Variants in EXTL2 observed in about 807,000 individuals in gnomAD.
EXTL2 encodes exostosin-like 2.
EXTL2 carries 23 observed loss-of-function variants against 30.7 expected under a neutral mutation model. That is an observed-to-expected ratio of 0.75 (90% confidence interval 0.54 to 1.06). EXTL2 has a LOEUF of 1.06. Ranked by LOEUF, EXTL2 falls within the 50% of genes least tolerant of loss-of-function variation. EXTL2 has a pLI of 0.00. For synonymous variants in EXTL2, 123 were observed against 133.8 expected (o/e 0.92, Z 0.56); for missense variants, 352 against 396.3 (o/e 0.89, Z 0.95).
At chr1:100,887,034 G>T (rs1055240670) in intron 2 of EXTL2, among the ~76,000 whole-genome samples, 3 of 152,152 alleles carry the variant, frequency 2.0e-5, no homozygotes, top group Non-Finnish European at 2.9e-5. Flanking sequence ...AGCATTTTTA[G>T]CTCAGTACAG....
At chr1:100,874,803 G>T (rs1325487457) in intron 4 of EXTL2, among the ~76,000 whole-genome samples, 1 of 152,036 alleles carries the variant, frequency 6.6e-6, no homozygotes, top group Non-Finnish European at 1.5e-5. Flanking sequence ...GAGATAATGG[G>T]ATCGTTTTGA....
In EXTL2 at chr1:100,888,823, T is replaced by A. The variant is rs1650182847; in HGVS notation, c.-66A>T. 1 of 1,293,606 alleles carries A rather than the reference T, an allele frequency of 7.7e-7. No individual in the cohort carries two copies. Among genetic ancestry groups the A allele is most frequent in the East Asian group, 2.4e-5 (1 of 42,516 alleles). The allele number at this position is 1,293,606 out of a possible 1,614,324, so 80.1% of individuals were successfully genotyped here. On this transcript the variant is annotated 5_prime_UTR_variant, in exon 2 of 5. In the 5' UTR this introduces an upstream ATG that the reference lacks. Transcript: ENST00000370114. ...CAGTAATTGACAGAAGCAGGCTCAC[T>A]TGTCACTATTAAGATAAATCAAAGA...
rs1648788570 is a variant in EXTL2 at position 100,872,671 on chromosome 1, T to A, written c.*1271A>T. ...CAGCTTTGCAATTTTGAGAATATAC[T>A]AGCATTATATAAGAAGGAAGAGGAG... On this transcript the variant is annotated 3_prime_UTR_variant, in exon 5 of 5. Transcript: ENST00000370114. 6.6e-6 allele frequency: 1 copy of A among 152,392 alleles called. No homozygotes were observed. Among genetic ancestry groups the A allele is most frequent in the Non-Finnish European group, 1.5e-5 (1 of 67,966 alleles). The allele number at this position is 152,392 out of a possible 1,614,324, so 9.4% of individuals were successfully genotyped here. A position where few individuals can be genotyped will look rare whatever the true frequency, so the allele number is the denominator to read the frequency against.
chr1:100,887,822 C>T (rs1165915092), intron 2 of EXTL2, among the ~76,000 whole-genome samples: 2 of 152,128 alleles, frequency 1.3e-5, no homozygotes, highest in Non-Finnish European at 2.9e-5. Flanking sequence ...CCTCAGCCTC[C>T]CGAGTAGCTG....
chr1:100,874,860 T>G (rs1275498580), intron 4 of EXTL2, among the ~76,000 whole-genome samples: 5 of 152,116 alleles, frequency 3.3e-5, no homozygotes, highest in Admixed American at 2.6e-4. Flanking sequence ...TGGACCTACA[T>G]GTGTGATTGT....
chr1:100,893,942 A>G (rs750436152), intron 1 of EXTL2, among the ~76,000 whole-genome samples: 10 of 152,140 alleles, frequency 6.6e-5, no homozygotes, highest in Non-Finnish European at 1.0e-4. Flanking sequence ...TTAAACTTCA[A>G]TTTCTCGTAC....
At position 100,877,623 on chromosome 1, in the gene EXTL2, T is replaced by A; in HGVS notation, c.286A>T (p.Ile96Phe). 3.7e-6 allele frequency: 6 copies of A among 1,613,568 alleles called. No homozygotes were observed. Among genetic ancestry groups the A allele is most frequent in the Non-Finnish European group, 5.1e-6 (6 of 1,179,640 alleles). Residue 96 changes from isoleucine to phenylalanine, a missense_variant, in exon 3 of 5, where the codon ATT becomes TTT. Physicochemically the swap from Ile to Phe is conservative, Grantham distance 21. Transcript: ENST00000370114. This position sits in a 1 kb window ranked among gnomAD's most constrained non-coding sequence, Gnocchi z 4.1. ...TCTCCAATATTGTTCCATACCACAA[T>A]CACTTTGTGCAGATTTGGTACAGCC... ...YQAVPNLHKV[I>F]VVWNNIGEKA...
intron 2 of EXTL2, among the ~76,000 whole-genome samples, chr1:100,881,771 T>C (rs1049389575): frequency 6.6e-6 from 1 of 152,238 alleles, no homozygotes; most frequent in African/African-American, 2.4e-5. Context: ...TCATTAGTTC[T>C]TTATAGGTAG....
At chr1:100,881,120 G>T in intron 2 of EXTL2, 1 of 752,260 alleles carries the variant, frequency 1.3e-6, no homozygotes, top group Non-Finnish European at 1.6e-6. Flanking sequence ...AATATTTCAT[G>T]AGGTATTTAT....
chr1:100,886,598 T>C (rs1443303392), intron 2 of EXTL2, among the ~76,000 whole-genome samples: 2 of 152,248 alleles, frequency 1.3e-5, no homozygotes, highest in African/African-American at 4.8e-5. Context: ...AAGGATCTTA[T>C]TCCTTCTCAA....
intron 2 of EXTL2, among the ~76,000 whole-genome samples, chr1:100,886,471 T>C (rs369700687): frequency 7.2e-5 from 11 of 152,318 alleles, no homozygotes; most frequent in Admixed American, 5.2e-4. Context: ...AAATGGGATA[T>C]CAGGCATTAA....
intron 2 of EXTL2, among the ~76,000 whole-genome samples, chr1:100,879,438 G>A (rs916238428): frequency 2.0e-5 from 3 of 152,036 alleles, no homozygotes; most frequent in African/African-American, 7.2e-5. Flanking sequence ...TGAAAAGAAA[G>A]ACTGGAAACA....
At chr1:100,894,421 C>A (rs751918347) in intron 1 of EXTL2, among the ~76,000 whole-genome samples, 2 of 152,102 alleles carry the variant, frequency 1.3e-5, no homozygotes, top group Non-Finnish European at 2.9e-5. Flanking sequence ...AATACTCTTC[C>A]CAGAACTTAC....
At chr1:100,875,265 C>G (rs1649022735) in intron 4 of EXTL2, among the ~76,000 whole-genome samples, 1 of 132,648 alleles carries the variant, frequency 7.5e-6, no homozygotes, top group South Asian at 2.5e-4. Flanking sequence ...ACACACGAGG[C>G]TGAGTTAAAT....
intron 2 of EXTL2, among the ~76,000 whole-genome samples, chr1:100,882,996 G>A (rs925537303): frequency 2.0e-5 from 3 of 152,136 alleles, no homozygotes; most frequent in Non-Finnish European, 4.4e-5. Flanking sequence ...TCAAGGTCCG[G>A]GGATAAGGAA....
chr1:100,891,784 C>G lies in EXTL2; in HGVS notation c.-72+2849G>C, dbSNP rs369731437. 3.6e-3 allele frequency among the ~76,000 whole-genome samples: 547 copies of G among 152,210 alleles called. 2 individuals are homozygous for G. The highest frequency in any genetic ancestry group is 5.9e-3 in the Non-Finnish European group (399 of 68,018). On this transcript the variant is annotated intron_variant, in intron 1 of 4. Transcript: ENST00000370114. The stretch of plus-strand genomic sequence containing the variant: ...GGCTGGTAATATTTAGAATTCCAGC[C>G]CCTCTCATCCTAACTTGGTGCCTGG...
At chr1:100,889,038 T>C (rs541265076) in intron 1 of EXTL2, among the ~76,000 whole-genome samples, 2 of 152,378 alleles carry the variant, frequency 1.3e-5, no homozygotes, top group Admixed American at 1.3e-4. Context: ...TGCTATATTT[T>C]GGTTTTCATC....
At position 100,872,403 on chromosome 1, in the gene EXTL2, CT is replaced by C. The variant is rs1648766339; in HGVS notation, c.*1538del. ...CAGAACACATGGATGGCAAAAGTTT[CT>C]TTTATTTATCTGCTAGAGGAATCAT... On this transcript the variant is annotated 3_prime_UTR_variant, in exon 5 of 5. Coordinates refer to ENST00000370114, the MANE Select transcript of EXTL2 (RefSeq NM_001033025.3). 1 of 152,354 alleles carries C rather than the reference CT, an allele frequency of 6.6e-6. No individual in the cohort carries two copies. The highest frequency in any genetic ancestry group is 6.6e-5 in the Admixed American group (1 of 15,244). 9.4% of individuals were successfully genotyped at this position (152,354 alleles called of 1,614,324 possible). A position where few individuals can be genotyped will look rare whatever the true frequency, so the allele number is the denominator to read the frequency against.
In EXTL2 at chr1:100,877,694, G is replaced by A. The variant is rs202029275; in HGVS notation, c.215C>T (p.Thr72Met). 27 of 1,613,294 alleles carry A rather than the reference G, an allele frequency of 1.7e-5. No individual in the cohort carries two copies. Among genetic ancestry groups the A allele is most frequent in the African/African-American group, 4.0e-5 (3 of 74,858 alleles). Residue 72 changes from threonine to methionine, a missense_variant, in exon 3 of 5, where the codon ACG (threonine) becomes ATG (methionine). Transcript: ENST00000370114. The surrounding 1 kb of genome is among the most constrained non-coding windows in gnomAD (Gnocchi z 4.1). Reference protein sequence around the residue: ...TMDSFTLIMQTYNRTDLLLKL... With the variant: ...TMDSFTLIMQMYNRTDLLLKL... ...CAATAAGAGATCTGTTCTGTTGTACGTCTGCATTATGAGAGTAAAGGAGTC... is the reference window on the plus strand; with the variant it reads ...CAATAAGAGATCTGTTCTGTTGTACATCTGCATTATGAGAGTAAAGGAGTC...
Sources: gnomAD v4.1 joint callset for allele counts (sites outside exome capture counted in the v4.1 genomes callset) on GRCh38, gnomAD v4.1.1 for gene constraint, Gnocchi (gnomAD v3.1) non-coding constraint, MANE v1.5 for transcripts, NCBI Gene and HGNC (gene_info 2026-07-23, HGNC 2026-07-21) for gene names.